SPIRE1: variants seen among roughly 807,000 people sequenced by gnomAD.
SPIRE1 encodes spire type actin nucleation factor 1.
SPIRE1 carries 40 observed loss-of-function variants against 94.1 expected under a neutral mutation model. That is an observed-to-expected ratio of 0.43 (90% CI 0.33 to 0.55). The LOEUF (loss-of-function observed/expected upper bound fraction) is 0.55. SPIRE1 is among the 20% of genes least tolerant of loss of function. The pLI is 0.06. For missense variants in SPIRE1, 838 were observed against 975.2 expected (o/e 0.86, Z 1.87); for synonymous variants, 376 against 371.7 (o/e 1.01, Z -0.13).
chr18:12,476,586 T>TAC (rs1568194516), intron 10 of SPIRE1, among the ~76,000 whole-genome samples: 20 of 119,758 alleles, frequency 1.7e-4, no homozygotes, highest in Admixed American at 4.5e-4. Context: ...TATATATATA[T>TAC]ATACACACAC....
At chr18:12,573,647 G>T (rs543532892) in intron 2 of SPIRE1, among the ~76,000 whole-genome samples, 1 of 152,068 alleles carries the variant, frequency 6.6e-6, no homozygotes, top group African/African-American at 2.4e-5. Flanking sequence ...CTATATAACA[G>T]TAATGATGGA....
In SPIRE1 at chr18:12,559,146, G is replaced by GGGA. The variant is rs1567933735; in HGVS notation, c.373-12245_373-12243dup. Among the ~76,000 whole-genome samples the GGGA allele has an allele frequency of 7.7e-6, 1 of 129,440 alleles. No homozygotes were observed. The highest frequency in any genetic ancestry group is 1.7e-5 in the Non-Finnish European group (1 of 59,558). The allele number at this position is 129,440 out of a possible 152,430, so 84.9% of individuals were successfully genotyped here. A position where few individuals can be genotyped will look rare whatever the true frequency, so the allele number is the denominator to read the frequency against. ...TTGGAGCAGGGGGAGGCGCCCCCTG[G>GGGA]GGAGGCTCCATCTGCTTAGGAGCCC... On this transcript the variant is annotated intron_variant, in intron 2 of 16. Transcript: ENST00000409402. The surrounding 1 kb of genome is among the most constrained non-coding windows in gnomAD (Gnocchi z 4.7).
chr18:12,623,921 C>T (rs964963395), intron 2 of SPIRE1, among the ~76,000 whole-genome samples: 9 of 150,508 alleles, frequency 6.0e-5, no homozygotes, highest in African/African-American at 2.2e-4. Flanking sequence ...AGCCACTGCA[C>T]TCGGCCTTTT....
At chr18:12,476,894 A>G (rs2032625671) in intron 10 of SPIRE1, among the ~76,000 whole-genome samples, 1 of 152,162 alleles carries the variant, frequency 6.6e-6, no homozygotes, top group African/African-American at 2.4e-5. Flanking sequence ...TGACTTAAGA[A>G]CTATGATTCA....
chr18:12,572,212 C>T (rs2035975070), intron 2 of SPIRE1, among the ~76,000 whole-genome samples: 1 of 152,124 alleles, frequency 6.6e-6, no homozygotes, highest in Non-Finnish European at 1.5e-5. Context: ...TACACAATCA[C>T]ACAGGGTCTC....
At chr18:12,484,682 T>C (rs2032970381) in intron 9 of SPIRE1, among the ~76,000 whole-genome samples, 1 of 152,198 alleles carries the variant, frequency 6.6e-6, no homozygotes, top group South Asian at 2.1e-4. Context: ...CAACATCTCA[T>C]CTCATTTTAT....
chr18:12,463,448 C>T lies in SPIRE1; in HGVS notation c.1541G>A (p.Arg514Lys), dbSNP rs1469867163. 1.2e-6 allele frequency: 2 copies of T among 1,613,860 alleles called. No individual in the cohort carries two copies. The highest frequency in any genetic ancestry group is 1.7e-6 in the Non-Finnish European group (2 of 1,179,972). Residue 514 changes from arginine (R) to lysine (K), a missense_variant, in exon 12 of 17, where the codon AGA becomes AAA. By Grantham distance (26) the Arg-to-Lys change is conservative. Transcript: ENST00000409402. The stretch of plus-strand genomic sequence containing the variant: ...ATGTCGTCTCTGGGGTGGCTGCCGT[C>T]TCTCTGGCTGGGGTGTTGATGATAT... Reference protein sequence around the residue: ...LPISSTPQPERRQPPQRRHSI... With the variant: ...LPISSTPQPEKRQPPQRRHSI...
At chr18:12,476,422 T>C (rs2032577962) in intron 10 of SPIRE1, among the ~76,000 whole-genome samples, 1 of 150,484 alleles carries the variant, frequency 6.6e-6, no homozygotes, top group Non-Finnish European at 1.5e-5. Flanking sequence ...GCACCTGTAA[T>C]CCCAGTTACT....
intron 2 of SPIRE1, among the ~76,000 whole-genome samples, chr18:12,609,741 C>A (rs1449058622): frequency 1.3e-5 from 2 of 152,180 alleles, no homozygotes; most frequent in South Asian, 4.1e-4. Flanking sequence ...TCCTCACTGA[C>A]ATAAATCAGT....
chr18:12,501,072 C>CAAAAAAAAAAAAA (rs67894900), intron 6 of SPIRE1, among the ~76,000 whole-genome samples: 133 of 80,234 alleles, frequency 1.7e-3, no homozygotes, highest in East Asian at 2.1e-3. Context: ...AACTCTGTCT[C>CAAAAAAAAAAAAA]AAAAAAAAAA....
upstream of SPIRE1, chr18:12,658,338 G>T (rs1350752660): frequency 2.3e-6 from 1 of 432,346 alleles, no homozygotes; most frequent in Admixed American, 2.5e-5. Context: ...AGCTGGGGGC[G>T]CAATGGTGAG....
chr18:12,601,648 A>G (rs945472099), intron 2 of SPIRE1, among the ~76,000 whole-genome samples: 1 of 152,152 alleles, frequency 6.6e-6, no homozygotes, highest in Admixed American at 6.5e-5. Context: ...TCTGACCCCC[A>G]GCTCCATGAA....
chr18:12,622,781 A>G (rs1013880886), intron 2 of SPIRE1, among the ~76,000 whole-genome samples: 1 of 152,070 alleles, frequency 6.6e-6, no homozygotes, highest in Non-Finnish European at 1.5e-5. Context: ...TGTCTTTCCT[A>G]CATTTTCTTT....
intron 3 of SPIRE1, among the ~76,000 whole-genome samples, chr18:12,543,719 G>C (rs1444866746): frequency 6.6e-6 from 1 of 152,194 alleles, no homozygotes; most frequent in Non-Finnish European, 1.5e-5. Context: ...TGCTTGCTAA[G>C]AATTGAAAAC....
At chr18:12,569,624 A>AAAC (rs113104543) in intron 2 of SPIRE1, among the ~76,000 whole-genome samples, 2,705 of 92,656 alleles carry the variant, frequency 0.029, 98 homozygotes, top group African/African-American at 0.081. Context: ...AAATGTTTAA[A>AAAC]AACAACAACA....
intron 3 of SPIRE1, among the ~76,000 whole-genome samples, chr18:12,536,116 C>A (rs118064620): frequency 3.5e-3 from 539 of 152,096 alleles, no homozygotes; most frequent in Non-Finnish European, 6.3e-3. Flanking sequence ...TAACAGAGAC[C>A]CAACAGCACA....
rs146188589 is a variant in SPIRE1, at chr18:12,494,330, G to A, written c.1060-1129C>T. On this transcript the variant is annotated intron_variant, in intron 7 of 16. Coordinates refer to ENST00000409402, the MANE Select transcript of SPIRE1 (RefSeq NM_001128626.2). ...GAGGAAATAAAGGCTCTGGGAGGCT[G>A]ATTAGCTCCCTCAGAGATACGTGGC... Among the ~76,000 whole-genome samples, 543 of 152,210 alleles carry A rather than the reference G, an allele frequency of 3.6e-3. 1 individual carries two copies. Among genetic ancestry groups the A allele is most frequent in the Non-Finnish European group, 6.5e-3 (441 of 68,006 alleles).
At chr18:12,572,535 C>T (rs2035982800) in intron 2 of SPIRE1, among the ~76,000 whole-genome samples, 1 of 151,872 alleles carries the variant, frequency 6.6e-6, no homozygotes, top group African/African-American at 2.4e-5. Flanking sequence ...TCGCTTGAGC[C>T]CAGAAAAAAA....
At chr18:12,641,065 G>A (rs1018071506) in intron 1 of SPIRE1, among the ~76,000 whole-genome samples, 5 of 152,076 alleles carry the variant, frequency 3.3e-5, no homozygotes, top group South Asian at 2.1e-4. Flanking sequence ...TAATGAGGGT[G>A]AAAAGGAGAG....
Sources: allele counts gnomAD v4.1 joint callset (sites outside exome capture counted in the v4.1 genomes callset), GRCh38; gene constraint gnomAD v4.1.1; non-coding constraint Gnocchi (gnomAD v3.1); transcripts MANE v1.5; gene names NCBI Gene and HGNC (gene_info 2026-07-23, HGNC 2026-07-21).